The following SYNE2 variants were observed in gnomAD, a reference collection of about 807,000 sequenced individuals.
SYNE2 encodes nesprin-2.
Under a neutral mutation model 856.3 loss-of-function variants are expected in SYNE2, and 431 were observed. The observed-to-expected ratio is 0.50, with a 90% CI of 0.47 to 0.55. The LOEUF is 0.55. SYNE2 is among the 20% of genes least tolerant of loss of function. The pLI is 0.00. For synonymous variants in SYNE2, 2,923 were observed against 2,872.3 expected (o/e 1.02, Z -0.56); for missense variants, 8,129 against 8,023.2 (o/e 1.01, Z -0.50).
At chr14:64,034,956 A>G (rs1006919621) in intron 45 of SYNE2, among the ~76,000 whole-genome samples, 3 of 150,796 alleles carry the variant, frequency 2.0e-5, no homozygotes, top group African/African-American at 7.3e-5. Flanking sequence ...AAAAATCATA[A>G]TACAACATTA....
intron 2 of SYNE2, among the ~76,000 whole-genome samples, chr14:63,930,638 G>A (rs528012054): frequency 6.6e-6 from 1 of 151,316 alleles, no homozygotes; most frequent in Non-Finnish European, 1.5e-5. Flanking sequence ...AAGTTCAAGT[G>A]ATTCTCCTTC....
intron 57 of SYNE2, 56 bp from the exon 58 acceptor site, chr14:64,087,615 G>C: frequency 6.5e-7 from 1 of 1,549,554 alleles, no homozygotes; most frequent in South Asian, 1.1e-5. Context: ...ATATTAATCA[G>C]CTTATATCAG....
rs1051652714 is a variant in SYNE2, at chr14:64,190,828, C to T, written c.18038+591C>T. 2.1e-5 allele frequency: 14 copies of T among 682,798 alleles called. No individual in the cohort carries two copies. The African/African-American group carries it at 2.3e-4, about 11-fold the overall frequency. 42.3% of individuals were successfully genotyped at this position (682,798 alleles called of 1,614,324 possible). A position where few individuals can be genotyped will look rare whatever the true frequency, so the allele number is the denominator to read the frequency against. ...GCTATATTGGCCAGTGCAATCTTAT[C>T]AGAAATAGCGCTGATAATTTTATCT... On this transcript the variant is annotated intron_variant, in intron 99 of 115. Transcript: ENST00000555002.
chr14:63,891,841 C>T (rs187013252), intron 1 of SYNE2, among the ~76,000 whole-genome samples: 1 of 152,072 alleles, frequency 6.6e-6, no homozygotes, highest in East Asian at 1.9e-4. Context: ...TTGATAAAAG[C>T]ACGTGTAATT....
At chr14:63,930,154 G>A (rs1002246408) in intron 2 of SYNE2, among the ~76,000 whole-genome samples, 2 of 151,916 alleles carry the variant, frequency 1.3e-5, no homozygotes, top group Non-Finnish European at 2.9e-5. Flanking sequence ...GGGCATGGTG[G>A]CATTTGCCTA....
intron 15 of SYNE2, 123 bp from the exon 16 acceptor site, chr14:63,980,863 C>T (rs764806941): frequency 1.2e-5 from 13 of 1,066,764 alleles, no homozygotes; most frequent in Non-Finnish European, 1.8e-5. Flanking sequence ...TTCTTGCTTT[C>T]ACTTTTAATA....
chr14:63,978,873 A>C lies in SYNE2; in HGVS notation c.1428A>C (p.Lys476Asn). 1 of 1,613,268 alleles carries C rather than the reference A, an allele frequency of 6.2e-7. No individual in the cohort carries two copies. The highest frequency in any genetic ancestry group is 1.1e-5 in the South Asian group (1 of 91,010). Reference sequence around the variant, plus strand: ...CCAGAATCAACAACATTTTGGAGAAAAAATTTATTCTACTTCTAGAATTTC... The same window carrying C: ...CCAGAATCAACAACATTTTGGAGAACAAATTTATTCTACTTCTAGAATTTC... Reference protein sequence around the residue: ...MKRRINNILEKKFILLLEFHY... With the variant: ...MKRRINNILENKFILLLEFHY... The change falls in exon 14 of 116, where the codon AAA becomes AAC. Residue 476 changes from lysine (K) to asparagine (N), a missense_variant. Lys to Asn is a moderately conservative substitution (Grantham distance 94, BLOSUM62 0). Transcript: ENST00000555002.
At chr14:63,890,822 T>C (rs1453245225) in intron 1 of SYNE2, among the ~76,000 whole-genome samples, 5 of 152,246 alleles carry the variant, frequency 3.3e-5, no homozygotes, top group African/African-American at 9.6e-5. Context: ...CTTTTCCTTT[T>C]ATGCCTGTTA....
intron 1 of SYNE2, among the ~76,000 whole-genome samples, chr14:63,804,083 T>G (rs903599130): frequency 6.6e-6 from 1 of 152,202 alleles, no homozygotes; most frequent in African/African-American, 2.4e-5. Flanking sequence ...TCCTGAGGCA[T>G]CCCAGCCATG....
At chr14:63,819,896 C>A (rs967221989) in intron 1 of SYNE2, among the ~76,000 whole-genome samples, 2 of 151,836 alleles carry the variant, frequency 1.3e-5, no homozygotes, top group Non-Finnish European at 2.9e-5. Context: ...AATCCAGTTA[C>A]AATAATATAT....
chr14:64,132,542 T>A, intron 77 of SYNE2, 104 bp downstream of exon 77: 1 of 1,443,040 alleles, frequency 6.9e-7, no homozygotes, highest in Non-Finnish European at 9.7e-7. Context: ...AAGCTATAGT[T>A]AAATGGAAGC....
chr14:63,866,036 AT>A (rs1161378987), intron 1 of SYNE2, among the ~76,000 whole-genome samples: 1 of 152,004 alleles, frequency 6.6e-6, no homozygotes, highest in Admixed American at 6.6e-5. Context: ...TCTAAGAAAT[AT>A]TTTTTTCCTT....
At chr14:64,078,175 C>T (rs896304811) in intron 54 of SYNE2, among the ~76,000 whole-genome samples, 7 of 152,038 alleles carry the variant, frequency 4.6e-5, no homozygotes, top group African/African-American at 1.7e-4. Flanking sequence ...GTAATTTTGC[C>T]CAACACAGCA....
chr14:63,880,920 C>T (rs1294104458), intron 1 of SYNE2, among the ~76,000 whole-genome samples: 1 of 151,654 alleles, frequency 6.6e-6, no homozygotes, highest in Non-Finnish European at 1.5e-5. Flanking sequence ...GATGTCGGCT[C>T]ACTGCAACCT....
chr14:63,949,905 T>C lies in SYNE2; in HGVS notation c.489T>C (p.Pro163=), dbSNP rs2153430559. Residue 163 remains proline, a synonymous_variant, in exon 7 of 116, where the codon CCT becomes CCC. Coordinates refer to ENST00000555002, the MANE Select transcript of SYNE2 (RefSeq NM_182914.3). ...LDDVSVVDSS[P]ASSPPAKKCS... is the part of the protein sequence containing the mutation. ...ATGTGAGTGTGGTTGACTCATCTCCTGCCTCAAGTCCTCCAGCTAAGAAAT... is the reference window on the plus strand; with the variant it reads ...ATGTGAGTGTGGTTGACTCATCTCCCGCCTCAAGTCCTCCAGCTAAGAAAT... 1 of 1,614,190 alleles carries C rather than the reference T, an allele frequency of 6.2e-7. No homozygotes were observed. The highest frequency in any genetic ancestry group is 8.5e-7 in the Non-Finnish European group (1 of 1,180,020).
chr14:64,051,227 A>G (rs1198085088), intron 47 of SYNE2, among the ~76,000 whole-genome samples: 2 of 151,898 alleles, frequency 1.3e-5, no homozygotes, highest in South Asian at 2.1e-4. Context: ...GTACTTTACA[A>G]TTTACAAAAT....
At chr14:64,018,117 G>C (rs867392505) in intron 34 of SYNE2, among the ~76,000 whole-genome samples, 1 of 152,148 alleles carries the variant, frequency 6.6e-6, no homozygotes, top group Non-Finnish European at 1.5e-5. Context: ...GGGTCTGTAG[G>C]CTTCACCAGA....
rs760436699 is a variant in SYNE2 at position 64,141,497 on chromosome 14, C to G, written c.15133C>G (p.Pro5045Ala). ...ATGGACAATGCTCATAACTCAACTTCCAGATATTCAAGAAAAACTTCACCA... is the reference window on the plus strand; with the variant it reads ...ATGGACAATGCTCATAACTCAACTTGCAGATATTCAAGAAAAACTTCACCA... ...QKWTMLITQL[P>A]DIQEKLHQLQ... Residue 5045 changes from proline to alanine, a missense_variant, in exon 81 of 116, where the codon CCA becomes GCA. Physicochemically the swap from Pro to Ala is conservative, Grantham distance 27. This residue lies in a region of SYNE2 where 5,410 missense variants were observed against 5,284.8 expected (regional missense o/e 1.02). Coordinates refer to ENST00000555002, the MANE Select transcript of SYNE2 (RefSeq NM_182914.3). 1 of 1,614,012 alleles carries G rather than the reference C, an allele frequency of 6.2e-7. No individual in the cohort carries two copies. Among genetic ancestry groups the G allele is most frequent in the Admixed American group, 1.7e-5 (1 of 60,012 alleles).
chr14:63,980,967 TG>T lies in SYNE2; in HGVS notation c.1649-18del, dbSNP rs1160396222. The T allele has an allele frequency of 6.7e-7, 1 of 1,499,110 alleles. No individual in the cohort carries two copies. The highest frequency in any genetic ancestry group is 1.2e-5 in the South Asian group (1 of 81,432). The allele number at this position is 1,499,110 out of a possible 1,614,324, so 92.9% of individuals were successfully genotyped here. A position where few individuals can be genotyped will look rare whatever the true frequency, so the allele number is the denominator to read the frequency against. On this transcript the variant is annotated intron_variant, in intron 15 of 115. Transcript: ENST00000555002. ...AAATTGTTTTCTAAGATTACTTTTT[TG>T]TTTTGTTAATATTGTAGCTGGAGAA...
Sources: allele counts gnomAD v4.1 joint callset (sites outside exome capture counted in the v4.1 genomes callset), GRCh38; gene constraint gnomAD v4.1.1; regional missense constraint gnomAD v4.1.1; transcripts MANE v1.5; gene names NCBI Gene and HGNC (gene_info 2026-07-23, HGNC 2026-07-21).